Variants in PCDHA7 observed in about 807,000 individuals in gnomAD.
PCDHA7 encodes protocadherin alpha-7.
A neutral mutation model predicts 57.2 loss-of-function variants in PCDHA7; 37 were observed. The ratio of observed to expected loss-of-function variants is 0.65; its 90% confidence interval spans 0.50 to 0.85. PCDHA7 has a LOEUF of 0.85. Among genes scored for constraint, PCDHA7 ranks in the 40% least tolerant of loss-of-function variants. PCDHA7 has a pLI of 0.00. For synonymous variants in PCDHA7, 553 were observed against 558.8 expected (o/e 0.99, Z 0.15); for missense variants, 1,188 against 1,241.8 (o/e 0.96, Z 0.65).
chr5:140,883,867 C>T (rs2059859396), intron 1 of PCDHA7: 3 of 1,613,138 alleles, frequency 1.9e-6, no homozygotes, highest in Non-Finnish European at 2.5e-6. Flanking sequence ...TGTTGCAGTT[C>T]CAGGTGAGCG....
chr5:140,884,323 C>G (rs1554181434), intron 1 of PCDHA7: 10 of 1,613,816 alleles, frequency 6.2e-6, no homozygotes, highest in Non-Finnish European at 8.5e-6. Context: ...CGTCGGCAGG[C>G]GCTGTGGGTC....
intron 1 of PCDHA7, among the ~76,000 whole-genome samples, chr5:140,937,306 G>A (rs994842470): frequency 4.3e-4 from 66 of 152,048 alleles, no homozygotes; most frequent in African/African-American, 1.6e-3. Flanking sequence ...CAAAGTGCTG[G>A]GATTACAGGC....
At chr5:141,007,839 A>C (rs782046722) in intron 3 of PCDHA7, among the ~76,000 whole-genome samples, 2 of 152,226 alleles carry the variant, frequency 1.3e-5, no homozygotes, top group Non-Finnish European at 2.9e-5. Context: ...TACCCATTAG[A>C]GACTCAAAGT....
intron 1 of PCDHA7, chr5:140,843,188 C>T (rs2150354903): frequency 6.3e-7 from 1 of 1,596,014 alleles, no homozygotes; most frequent in Non-Finnish European, 8.6e-7. Flanking sequence ...CATCCCGTTC[C>T]GCGTGGGGCT....
intron 3 of PCDHA7, among the ~76,000 whole-genome samples, chr5:140,983,660 A>G (rs1460631508): frequency 6.6e-6 from 1 of 152,244 alleles, no homozygotes; most frequent in African/African-American, 2.4e-5. Context: ...TAAGTGGCAG[A>G]GGGTAGGATT....
intron 1 of PCDHA7, chr5:140,928,746 C>G (rs782813323): frequency 1.2e-6 from 2 of 1,614,012 alleles, no homozygotes; most frequent in Non-Finnish European, 1.7e-6. Flanking sequence ...TAGGTGAGCT[C>G]CGTACTGCTC....
intron 1 of PCDHA7, chr5:140,967,079 A>T: frequency 1.2e-6 from 2 of 1,613,252 alleles, no homozygotes; most frequent in South Asian, 2.2e-5. Flanking sequence ...CAACGAGCGC[A>T]TTGATCGGGA....
At chr5:140,931,815 T>C (rs954167352) in intron 1 of PCDHA7, among the ~76,000 whole-genome samples, 47 of 152,114 alleles carry the variant, frequency 3.1e-4, no homozygotes, top group African/African-American at 8.4e-4. Flanking sequence ...TAGAAAAGAA[T>C]TCTTGTCATA....
chr5:140,920,588 G>A lies in PCDHA7; in HGVS notation c.2356-58361G>A, dbSNP rs561082502. 2.0e-5 allele frequency among the ~76,000 whole-genome samples: 3 copies of A among 152,284 alleles called. No individual in the cohort carries two copies. The South Asian group carries it at 6.2e-4, about 32-fold the overall frequency. On this transcript the variant is annotated intron_variant, in intron 1 of 3. Transcript: ENST00000525929. ...AGGCCAGGAGCAGTGGCTCACGCCT[G>A]TAATCCCAGCACTTTGGGAGGCCGA...
intron 1 of PCDHA7, chr5:140,877,432 C>T: frequency 6.2e-7 from 1 of 1,613,874 alleles, no homozygotes; most frequent in Non-Finnish European, 8.5e-7. Flanking sequence ...GGTGAAGGAC[C>T]ACGGTGAGCC....
At position 140,834,851 on chromosome 5, in the gene PCDHA7, C is replaced by G. The variant is rs2150227943; in HGVS notation, c.468C>G (p.Gly156=). The G allele has an allele frequency of 6.2e-7, 1 of 1,610,676 alleles. No individual in the cohort carries two copies. Residue 156 remains glycine, a synonymous_variant, in exon 1 of 4, where the codon GGC becomes GGG. Coordinates refer to ENST00000525929, the MANE Select transcript of PCDHA7 (RefSeq NM_018910.3). ...RPLDSRFPLE[G]ASDADIGENA... ...TTGACTCTCGGTTTCCACTAGAGGGCGCGTCCGATGCAGATATCGGGGAGA... is the reference window on the plus strand; with the variant it reads ...TTGACTCTCGGTTTCCACTAGAGGGGGCGTCCGATGCAGATATCGGGGAGA...
intron 1 of PCDHA7, chr5:140,843,625 C>T: frequency 6.3e-7 from 1 of 1,596,072 alleles, no homozygotes; most frequent in Non-Finnish European, 8.6e-7. Flanking sequence ...CGAAGACGGA[C>T]CTCATGGCCT....
intron 1 of PCDHA7, among the ~76,000 whole-genome samples, chr5:140,890,160 C>T (rs1554184178): frequency 1.3e-5 from 2 of 152,246 alleles, no homozygotes; most frequent in East Asian, 3.9e-4. Context: ...AGTATTTCTG[C>T]CACAGAAATA....
At chr5:140,906,059 G>A (rs1583580035) in intron 1 of PCDHA7, among the ~76,000 whole-genome samples, 1 of 152,158 alleles carries the variant, frequency 6.6e-6, no homozygotes, top group South Asian at 2.1e-4. Flanking sequence ...TGCACTGGCA[G>A]CTGATTAGAT....
intron 1 of PCDHA7, among the ~76,000 whole-genome samples, chr5:140,839,543 C>T (rs1455447545): frequency 1.3e-5 from 2 of 151,966 alleles, no homozygotes; most frequent in Non-Finnish European, 2.9e-5. Flanking sequence ...GCACACACCA[C>T]CATGCCCAAC....
rs781792274 is a variant in PCDHA7 at position 140,927,895 on chromosome 5, G to C, written c.2356-51054G>C. ...GCTGGTGGAGGTGACTGACGTGAAC[G>C]ATCATGCCCCCGAACTGGACTTCCT... On this transcript the variant is annotated intron_variant, in intron 1 of 3. Coordinates refer to ENST00000525929, the MANE Select transcript of PCDHA7 (RefSeq NM_018910.3). The C allele has an allele frequency of 3.7e-6, 6 of 1,614,074 alleles. No homozygotes were observed. The South Asian group carries it at 6.6e-5, about 18-fold the overall frequency.
intron 1 of PCDHA7, among the ~76,000 whole-genome samples, chr5:140,941,211 C>CT (rs59928198): frequency 0.24 from 30,589 of 127,372 alleles, 3,669 homozygotes; most frequent in South Asian, 0.38. Context: ...TCCTTTCTTT[C>CT]TTCCTTTCTT....
intron 1 of PCDHA7, among the ~76,000 whole-genome samples, chr5:140,907,506 A>G (rs1418997042): frequency 2.6e-5 from 4 of 152,234 alleles, no homozygotes; most frequent in Non-Finnish European, 5.9e-5. Flanking sequence ...GTAAGTGTCT[A>G]TTCCAGTGAG....
Position 140,842,238 on chromosome 5 carries a change from G to A in PCDHA7, c.2355+5500G>A, listed in dbSNP as rs1554138909. ...AATACGGGAGAAATAGTGATTCGGG[G>A]TAATTTGGATTTTGAACAAGAAAAC... On this transcript the variant is annotated intron_variant, in intron 1 of 3. Coordinates refer to ENST00000525929, the MANE Select transcript of PCDHA7 (RefSeq NM_018910.3). 6.2e-6 allele frequency: 10 copies of A among 1,612,562 alleles called. No homozygotes were observed. Among genetic ancestry groups the A allele is most frequent in the South Asian group, 2.2e-5 (2 of 91,028 alleles).
Sources: allele counts gnomAD v4.1 joint callset (sites outside exome capture counted in the v4.1 genomes callset), GRCh38; gene constraint gnomAD v4.1.1; transcripts MANE v1.5; gene names NCBI Gene and HGNC (gene_info 2026-07-23, HGNC 2026-07-21).